CA10: variants seen among roughly 807,000 people sequenced by gnomAD.
CA10 encodes the protein carbonic anhydrase-related protein 10.
In CA10, 14 loss-of-function variants were observed where a neutral mutation model predicts 44.2. The ratio of observed to expected loss-of-function variants is 0.32; its 90% CI spans 0.21 to 0.50. The LOEUF (loss-of-function observed/expected upper bound fraction) is 0.50, where lower values mean the gene tolerates loss of function less well. Among genes scored for constraint, CA10 ranks in the 20% least tolerant of loss-of-function variants. CA10 has a pLI of 0.99. For missense variants in CA10, 350 were observed against 409.7 expected, an observed-to-expected ratio of 0.85 and a Z score of 1.26; for synonymous variants, 159 against 141.6, an observed-to-expected ratio of 1.12 and a Z score of -0.87.
At chr17:51,828,793 A>G (rs1275331347) in intron 3 of CA10, among the ~76,000 whole-genome samples, 2 of 152,232 alleles carry the variant, frequency 1.3e-5, no homozygotes, top group East Asian at 3.8e-4. Context: ...TAAATCTTTC[A>G]AAGATTTACT....
chr17:51,721,989 T>C (rs915146845), intron 4 of CA10, among the ~76,000 whole-genome samples: 1 of 152,194 alleles, frequency 6.6e-6, no homozygotes. Flanking sequence ...GTAGGATTTA[T>C]AGTTGCTTAG....
chr17:52,120,584 C>T (rs1988995074), intron 1 of CA10, among the ~76,000 whole-genome samples: 1 of 152,148 alleles, frequency 6.6e-6, no homozygotes, highest in South Asian at 2.1e-4. Context: ...GGAAGTGTCC[C>T]TGGAGAATCT....
At chr17:51,688,365 G>A (rs1482613129) in intron 4 of CA10, among the ~76,000 whole-genome samples, 3 of 152,186 alleles carry the variant, frequency 2.0e-5, no homozygotes, top group African/African-American at 7.2e-5. Flanking sequence ...ATGCAGCAAT[G>A]GATAACTAAT....
chr17:51,652,917 T>G (rs1389043451), intron 5 of CA10, among the ~76,000 whole-genome samples: 1 of 152,230 alleles, frequency 6.6e-6, no homozygotes, highest in Non-Finnish European at 1.5e-5. Flanking sequence ...TTTATTTTTC[T>G]AATTAGAAAA....
intron 4 of CA10, among the ~76,000 whole-genome samples, chr17:51,679,913 G>T (rs1396794444): frequency 1.3e-5 from 2 of 152,134 alleles, no homozygotes; most frequent in Admixed American, 6.5e-5. Context: ...GCTGTTTCAC[G>T]ACAACTGAAA....
chr17:51,695,407 A>G (rs1915367554), intron 4 of CA10, among the ~76,000 whole-genome samples: 1 of 151,962 alleles, frequency 6.6e-6, no homozygotes, highest in Non-Finnish European at 1.5e-5. Flanking sequence ...ATGTATTACT[A>G]TATATGTGGG....
intron 4 of CA10, among the ~76,000 whole-genome samples, chr17:51,654,137 C>T (rs1049941646): frequency 1.3e-5 from 2 of 152,216 alleles, no homozygotes; most frequent in African/African-American, 4.8e-5. Context: ...AGTAAATCTT[C>T]CTTGCAGCCT....
chr17:52,002,964 T>G (rs1985477700), intron 2 of CA10, among the ~76,000 whole-genome samples: 2 of 152,004 alleles, frequency 1.3e-5, no homozygotes, highest in African/African-American at 4.8e-5. Context: ...CATTATACAA[T>G]CCTTCCTTCT....
intron 2 of CA10, among the ~76,000 whole-genome samples, chr17:51,943,265 A>G (rs998861341): frequency 1.3e-5 from 2 of 152,172 alleles, no homozygotes; most frequent in Non-Finnish European, 2.9e-5. Context: ...GTTAGGTGCT[A>G]GAGGATTCCT....
chr17:51,933,562 C>T (rs184084681), intron 2 of CA10, among the ~76,000 whole-genome samples: 5 of 152,142 alleles, frequency 3.3e-5, no homozygotes, highest in East Asian at 1.9e-4. Flanking sequence ...CCTCCAGAAA[C>T]GTAGGATAAT....
chr17:52,035,132 G>C (rs376469725), intron 2 of CA10, among the ~76,000 whole-genome samples: 1 of 152,076 alleles, frequency 6.6e-6, no homozygotes, highest in African/African-American at 2.4e-5. Context: ...AAATTCTATC[G>C]CTGTTTTTCC....
At chr17:51,748,987 G>A (rs993675850) in intron 3 of CA10, among the ~76,000 whole-genome samples, 1 of 152,198 alleles carries the variant, frequency 6.6e-6, no homozygotes, top group Admixed American at 6.5e-5. Context: ...CCATGTGACT[G>A]ATAGGGGCCA....
intron 2 of CA10, among the ~76,000 whole-genome samples, chr17:51,981,426 A>C (rs1461980955): frequency 6.6e-6 from 1 of 152,040 alleles, no homozygotes. Context: ...ACAGAAAAAG[A>C]ATACATATTA....
At chr17:52,101,890 TCTCC>T (rs927428235) in intron 1 of CA10, among the ~76,000 whole-genome samples, 2 of 152,106 alleles carry the variant, frequency 1.3e-5, no homozygotes, top group Admixed American at 6.5e-5. Flanking sequence ...TTAATAAATT[TCTCC>T]CTCCCTTTTT....
chr17:51,677,656 AG>A (rs1914673466), intron 4 of CA10, among the ~76,000 whole-genome samples: 1 of 152,198 alleles, frequency 6.6e-6, no homozygotes, highest in South Asian at 2.1e-4. Context: ...AGAGGGAGAC[AG>A]GGTGGAGTAG....
At chr17:52,087,918 T>C (rs554326214) in intron 1 of CA10, among the ~76,000 whole-genome samples, 2 of 152,300 alleles carry the variant, frequency 1.3e-5, no homozygotes, top group South Asian at 4.1e-4. Context: ...ATTGCTGCTC[T>C]ATCAACTACA....
chr17:51,679,562 ATTT>A (rs58947305), intron 4 of CA10, among the ~76,000 whole-genome samples: 37 of 140,898 alleles, frequency 2.6e-4, no homozygotes, highest in African/African-American at 6.1e-4. Context: ...TGCCTGGCCT[ATTT>A]TTTTTTTTTT....
chr17:52,016,529 C>T (rs1251016002), intron 2 of CA10, among the ~76,000 whole-genome samples: 1 of 152,058 alleles, frequency 6.6e-6, no homozygotes, highest in East Asian at 1.9e-4. Context: ...GTGTTTGAGT[C>T]ATGGGGGTGG....
chr17:51,636,778 TGTGTGTG>T (rs1912851666), intron 6 of CA10, among the ~76,000 whole-genome samples: 2 of 104,710 alleles, frequency 1.9e-5, no homozygotes, highest in Non-Finnish European at 4.5e-5. Flanking sequence ...GATTATTTTG[TGTGTGTG>T]TGTGTGTGTG....
Sources: gnomAD v4.1 joint callset for allele counts (sites outside exome capture counted in the v4.1 genomes callset) on GRCh38, gnomAD v4.1.1 for gene constraint, MANE v1.5 for transcripts, NCBI Gene and HGNC (gene_info 2026-07-23, HGNC 2026-07-21) for gene names.